PGAM4: variants seen among roughly 807,000 people sequenced by gnomAD.
The protein encoded by PGAM4 is phosphoglycerate mutase 4.
PGAM4 carries 7 observed loss-of-function variants against 10.8 expected under a neutral mutation model. The ratio of observed to expected loss-of-function variants is 0.65; its 90% CI spans 0.37 to 1.21. PGAM4 has a LOEUF of 1.21. Ranked by LOEUF, PGAM4 falls within the 50% of genes most tolerant of loss-of-function variation. PGAM4 has a pLI of 0.02. For missense variants in PGAM4, 146 were observed against 214.1 expected, an observed-to-expected ratio of 0.68 and a Z score of 1.98; for synonymous variants, 55 against 90.3, an observed-to-expected ratio of 0.61 and a Z score of 2.22.
In PGAM4 at chrX:77,968,170, T is replaced by C. The variant is rs1557229023; in HGVS notation, c.*704A>G. 3.6e-5 allele frequency among the ~76,000 whole-genome samples: 4 copies of C among 110,423 alleles called. No homozygotes were observed. The highest frequency in any genetic ancestry group is 7.6e-5 in the Non-Finnish European group (4 of 52,762). On this transcript the variant is annotated 3_prime_UTR_variant, in exon 1 of 1. Coordinates refer to ENST00000458128, the MANE Select transcript of PGAM4 (RefSeq NM_001029891.3). ...TAATACACACACCAGGAAGCACTCC[T>C]GCCCCTCAGAGGTCAAGGAGCTGAT...
chrX:77,968,446 A>G lies in PGAM4; in HGVS notation c.*428T>C, dbSNP rs782134806. 3.6e-5 allele frequency among the ~76,000 whole-genome samples: 4 copies of G among 112,311 alleles called. No homozygotes were observed. The South Asian group carries it at 1.1e-3, about 31-fold the overall frequency. On this transcript the variant is annotated 3_prime_UTR_variant, in exon 1 of 1. Coordinates refer to ENST00000458128, the MANE Select transcript of PGAM4 (RefSeq NM_001029891.3). ...ACATTCATCTTCCACTGGAATGACT[A>G]GAGCCCCCAGGCAGTGGCCTGACTG...
Position 77,969,541 on chromosome X carries a change from G to A in PGAM4, c.98C>T (p.Ala33Val), listed in dbSNP as rs1197116516. ...SCWYDADLSPAGHEEAKRGGQ... is the reference protein window; with the variant it reads ...SCWYDADLSPVGHEEAKRGGQ... ...GCCGCGCTTCGCCTCCTCGTGGCCC[G>A]CCGGGCTCAGATCGGCGTCGTACCA... Residue 33 changes from alanine (A) to valine (V), a missense_variant, in exon 1 of 1, where the codon GCG becomes GTG. Transcript: ENST00000458128. The A allele has an allele frequency of 8.3e-7, 1 of 1,209,773 alleles. No individual in the cohort carries two copies. The highest frequency in any genetic ancestry group is 1.1e-6 in the Non-Finnish European group (1 of 895,225).
At position 77,969,586 on chromosome X, in the gene PGAM4, A is replaced by G. The variant is rs369086578; in HGVS notation, c.53T>C (p.Leu18Pro). The G allele has an allele frequency of 4.8e-5, 58 of 1,210,484 alleles. No individual in the cohort carries two copies. ...GTACCAGCAGCTGAAGCGGTTCTCC[A>G]GGTTCCATGTGCTCTCGCCGTGCCG... ...LIRHGESTWN[L>P]ENRFSCWYDA... The change falls in exon 1 of 1, where the codon CTG (leucine) becomes CCG (proline). Residue 18 changes from leucine (L) to proline (P), a missense_variant. By Grantham distance (98) the Leu-to-Pro change is moderately conservative. Coordinates refer to ENST00000458128, the MANE Select transcript of PGAM4 (RefSeq NM_001029891.3).
rs1197663460 is a variant in PGAM4 at position 77,968,710 on chromosome X, C to T, written c.*164G>A. 2.7e-5 allele frequency among the ~76,000 whole-genome samples: 3 copies of T among 111,936 alleles called. No homozygotes were observed. Among genetic ancestry groups the T allele is most frequent in the Non-Finnish European group, 3.8e-5 (2 of 53,091 alleles). On this transcript the variant is annotated 3_prime_UTR_variant, in exon 1 of 1. Transcript: ENST00000458128. ...ATTGTATGAAGGGAGTGGGTGCAGG[C>T]GACAAAATGGCTAAAATGAAAATGG...
rs1557229293 is a variant in PGAM4 at position 77,969,375 on chromosome X, A to T, written c.264T>A (p.Asn88Lys). 11 of 1,210,205 alleles carry T rather than the reference A, an allele frequency of 9.1e-6. No individual in the cohort carries two copies. The Middle Eastern group carries it at 2.6e-3, about 282-fold the overall frequency. The change falls in exon 1 of 1, where the codon AAT (asparagine) becomes AAA (lysine). Residue 88 changes from asparagine (N) to lysine (K), a missense_variant. By Grantham distance (94) the Asn-to-Lys change is moderately conservative (BLOSUM62 0). Transcript: ENST00000458128. Reference protein sequence around the residue: ...WLPVVRTWRLNERHYGGLTGL... With the variant: ...WLPVVRTWRLKERHYGGLTGL... ...CGGTTAGACCCCCATAGTGCCGCTC[A>T]TTGAGGCGCCAAGTCCTCACCACTG...
chrX:77,969,565 C>A lies in PGAM4; in HGVS notation c.74G>T (p.Trp25Leu). 8.3e-7 allele frequency: 1 copy of A among 1,212,021 alleles called. No individual in the cohort carries two copies. Among genetic ancestry groups the A allele is most frequent in the Non-Finnish European group, 1.1e-6 (1 of 895,607 alleles). ...CGCCGGGCTCAGATCGGCGTCGTAC[C>A]AGCAGCTGAAGCGGTTCTCCAGGTT... is the stretch of plus-strand genomic sequence containing the variant. ...TWNLENRFSC[W>L]YDADLSPAGH... Residue 25 changes from tryptophan to leucine, a missense_variant, in exon 1 of 1, where the codon TGG (tryptophan) becomes TTG (leucine). Physicochemically the swap from Trp to Leu is moderately conservative, Grantham distance 61 (BLOSUM62 -2). Transcript: ENST00000458128.
In PGAM4 at chrX:77,969,593, A is replaced by G; in HGVS notation, c.46T>C (p.Trp16Arg). 8.3e-7 allele frequency: 1 copy of G among 1,211,994 alleles called. No homozygotes were observed. Residue 16 changes from tryptophan (W) to arginine (R), a missense_variant, in exon 1 of 1, where the codon TGG becomes CGG. Physicochemically the swap from Trp to Arg is moderately radical, Grantham distance 101 (BLOSUM62 -3). Transcript: ENST00000458128. ...LVLIRHGEST[W>R]NLENRFSCWY... ...CAGCTGAAGCGGTTCTCCAGGTTCCATGTGCTCTCGCCGTGCCGGATCAGC... is the reference window on the plus strand; with the variant it reads ...CAGCTGAAGCGGTTCTCCAGGTTCCGTGTGCTCTCGCCGTGCCGGATCAGC...
In PGAM4 at chrX:77,968,955, C is replaced by T. The variant is rs144589617; in HGVS notation, c.684G>A (p.Lys228=). 4 of 1,209,137 alleles carry T rather than the reference C, an allele frequency of 3.3e-6. No homozygotes were observed. The African/African-American group carries it at 7.0e-5, about 21-fold the overall frequency. ...YELDKNLKPI[K]PMQFLGDEET... ...CTTCATCCCCCAGAAACTGCATGGG[C>T]TTGATAGGCTTCAAGTTCTTGTCCA... Residue 228 remains lysine (K), a synonymous_variant, in exon 1 of 1, where the codon AAG becomes AAA. Transcript: ENST00000458128.
rs1557229125 is a variant in PGAM4 at position 77,968,867 on chromosome X, C to T, written c.*7G>A. The T allele has an allele frequency of 8.3e-7, 1 of 1,208,923 alleles. No homozygotes were observed. Among genetic ancestry groups the T allele is most frequent in the African/African-American group, 1.7e-5 (1 of 57,217 alleles). ...GCTCCTGGGGACAGTATCCTCCCCG[C>T]TGGCCTTCACTTCTTGGCCTTGCCC... On this transcript the variant is annotated 3_prime_UTR_variant, in exon 1 of 1. Coordinates refer to ENST00000458128, the MANE Select transcript of PGAM4 (RefSeq NM_001029891.3).
chrX:77,967,991 T>C lies in PGAM4; in HGVS notation c.*883A>G, dbSNP rs1334679959. Among the ~76,000 whole-genome samples the C allele has an allele frequency of 9.0e-6, 1 of 111,301 alleles. No individual in the cohort carries two copies. The highest frequency in any genetic ancestry group is 1.9e-5 in the Non-Finnish European group (1 of 53,042). On this transcript the variant is annotated 3_prime_UTR_variant, in exon 1 of 1. Transcript: ENST00000458128. The stretch of plus-strand genomic sequence containing the variant: ...ACATCACTCCTTTATTATACTGATC[T>C]GGTAAAAGGATTTAGTACAGTTATG...
rs1159124383 is a variant in PGAM4 at position 77,968,056 on chromosome X, C to G, written c.*818G>C. On this transcript the variant is annotated 3_prime_UTR_variant, in exon 1 of 1. Coordinates refer to ENST00000458128, the MANE Select transcript of PGAM4 (RefSeq NM_001029891.3). Reference sequence around the variant, plus strand: ...GGGCCCATGTGGCAGGGTCAAGCAACTAGAACATGATTCAGAAATCAGTGA... The same window carrying G: ...GGGCCCATGTGGCAGGGTCAAGCAAGTAGAACATGATTCAGAAATCAGTGA... Among the ~76,000 whole-genome samples, 2 of 110,619 alleles carry G rather than the reference C, an allele frequency of 1.8e-5. No homozygotes were observed. Among genetic ancestry groups the G allele is most frequent in the East Asian group, 5.7e-4 (2 of 3,526 alleles).
chrX:77,968,787 T>G lies in PGAM4; in HGVS notation c.*87A>C. ...CAACTCAAGATGTCTACAGATGTGG[T>G]CAGTGTGACATGTGCAGGTGGGAGG... On this transcript the variant is annotated 3_prime_UTR_variant, in exon 1 of 1. Transcript: ENST00000458128. 1 of 1,135,512 alleles carries G rather than the reference T, an allele frequency of 8.8e-7. No individual in the cohort carries two copies. Among genetic ancestry groups the G allele is most frequent in the East Asian group, 3.0e-5 (1 of 33,049 alleles). The allele number at this position is 1,135,512 out of a possible 1,213,427, so 93.6% of individuals were successfully genotyped here. A position where few individuals can be genotyped will look rare whatever the true frequency, so the allele number is the denominator to read the frequency against.
rs2077525166 is a variant in PGAM4 at position 77,968,832 on chromosome X, C to T, written c.*42G>A. 1 of 1,207,095 alleles carries T rather than the reference C, an allele frequency of 8.3e-7. No individual in the cohort carries two copies. Among genetic ancestry groups the T allele is most frequent in the South Asian group, 1.8e-5 (1 of 56,620 alleles). On this transcript the variant is annotated 3_prime_UTR_variant, in exon 1 of 1. Coordinates refer to ENST00000458128, the MANE Select transcript of PGAM4 (RefSeq NM_001029891.3). The stretch of plus-strand genomic sequence containing the variant: ...GGGAGGGGCAGAGGGACAAGACCAG[C>T]AGGGAGGGTGCTCCTGGGGACAGTA...
chrX:77,968,862 C>A lies in PGAM4; in HGVS notation c.*12G>T. Reference sequence around the variant, plus strand: ...AGGGTGCTCCTGGGGACAGTATCCTCCCCGCTGGCCTTCACTTCTTGGCCT... The same window carrying A: ...AGGGTGCTCCTGGGGACAGTATCCTACCCGCTGGCCTTCACTTCTTGGCCT... On this transcript the variant is annotated 3_prime_UTR_variant, in exon 1 of 1. Transcript: ENST00000458128. 8.3e-7 allele frequency: 1 copy of A among 1,210,411 alleles called. No individual in the cohort carries two copies. Among genetic ancestry groups the A allele is most frequent in the Non-Finnish European group, 1.1e-6 (1 of 895,514 alleles).
chrX:77,969,611 G>T lies in PGAM4; in HGVS notation c.28C>A (p.Arg10=), dbSNP rs1440450844. ...AGGTTCCATGTGCTCTCGCCGTGCC[G>T]GATCAGCACCAGTTTGTAGGCGGCC... MAAYKLVLI[R]HGESTWNLEN... The change falls in exon 1 of 1, where the codon CGG becomes AGG. Residue 10 remains arginine, a synonymous_variant. Transcript: ENST00000458128. The T allele has an allele frequency of 1.7e-6, 2 of 1,210,413 alleles. No homozygotes were observed. The highest frequency in any genetic ancestry group is 4.4e-5 in the Admixed American group (2 of 45,830).
rs782021326 is a variant in PGAM4 at position 77,969,120 on chromosome X, G to A, written c.519C>T (p.Pro173=). Residue 173 remains proline, a synonymous_variant, in exon 1 of 1, where the codon CCC becomes CCT. Transcript: ENST00000458128. ...ALPFWNEEIV[P]QIKEGKRVLI... Reference sequence around the variant, plus strand: ...GTACACGTTTCCCCTCCTTGATCTGGGGAACTATTTCTTCATTCCAGAAGG... The same window carrying A: ...GTACACGTTTCCCCTCCTTGATCTGAGGAACTATTTCTTCATTCCAGAAGG... 17 of 1,209,922 alleles carry A rather than the reference G, an allele frequency of 1.4e-5. No individual in the cohort carries two copies. Among genetic ancestry groups the A allele is most frequent in the Middle Eastern group, 4.7e-4 (2 of 4,298 alleles).
In PGAM4 at chrX:77,969,350, C is replaced by T. The variant is rs782286209; in HGVS notation, c.289G>A (p.Gly97Ser). The T allele has an allele frequency of 4.1e-6, 5 of 1,208,756 alleles. No individual in the cohort carries two copies. In the East Asian group the frequency reaches 1.5e-4, roughly 36 times the overall value. ...LNERHYGGLTGLNKAETAAKH... is the reference protein window; with the variant it reads ...LNERHYGGLTSLNKAETAAKH... ...GCAGCAGTTTCTGCTTTATTGAGAC[C>T]GGTTAGACCCCCATAGTGCCGCTCA... The change falls in exon 1 of 1, where the codon GGT becomes AGT. Residue 97 changes from glycine to serine, a missense_variant. By Grantham distance (56) the Gly-to-Ser change is moderately conservative. Transcript: ENST00000458128.
In PGAM4 at chrX:77,968,814, G is replaced by A; in HGVS notation, c.*60C>T. ...AGTGTGACATGTGCAGGTGGGAGGG[G>A]CAGAGGGACAAGACCAGCAGGGAGG... On this transcript the variant is annotated 3_prime_UTR_variant, in exon 1 of 1. Coordinates refer to ENST00000458128, the MANE Select transcript of PGAM4 (RefSeq NM_001029891.3). The A allele has an allele frequency of 1.7e-6, 2 of 1,198,224 alleles. No homozygotes were observed. Among genetic ancestry groups the A allele is most frequent in the Non-Finnish European group, 2.3e-6 (2 of 886,081 alleles).
At position 77,968,410 on chromosome X, in the gene PGAM4, CCATGCAGATTA is replaced by C. The variant is rs2077522662; in HGVS notation, c.*453_*463del. ...CAAGGAGGAAACAGTTGTCACATCA[CCATGCAGATTA>C]CATTCATCTTCCACTGGAATGACTA... is the stretch of plus-strand genomic sequence containing the variant. On this transcript the variant is annotated 3_prime_UTR_variant, in exon 1 of 1. Transcript: ENST00000458128. 8.9e-6 allele frequency among the ~76,000 whole-genome samples: 1 copy of C among 112,321 alleles called. No homozygotes were observed. The highest frequency in any genetic ancestry group is 3.2e-5 in the African/African-American group (1 of 30,889).
Sources: gnomAD v4.1 joint callset for allele counts (sites outside exome capture counted in the v4.1 genomes callset) on GRCh38, gnomAD v4.1.1 for gene constraint, MANE v1.5 for transcripts, NCBI Gene and HGNC (gene_info 2026-07-23, HGNC 2026-07-21) for gene names.